LRRC8D: variants seen among roughly 807,000 people sequenced by gnomAD.
The protein encoded by LRRC8D is leucine rich repeat containing 8 VRAC subunit D.
A neutral mutation model predicts 55.8 loss-of-function variants in LRRC8D; 20 were observed. The observed-to-expected ratio is 0.36, with a 90% confidence interval of 0.25 to 0.52. The LOEUF (loss-of-function observed/expected upper bound fraction) is 0.52. Ranked by LOEUF, LRRC8D falls within the 20% of genes least tolerant of loss-of-function variation. The probability of loss-of-function intolerance (pLI) is 0.93; values close to 1 mark genes in which losing one functional copy is unlikely to be tolerated. For missense variants in LRRC8D, 651 were observed against 1,030.8 expected, an observed-to-expected ratio of 0.63 and a Z score of 5.05; for synonymous variants, 352 against 377.0, an observed-to-expected ratio of 0.93 and a Z score of 0.77.
rs1299807120 is a variant in LRRC8D at position 89,835,064 on chromosome 1, C to CTT, written c.-147-8572_-147-8571dup. On this transcript the variant is annotated intron_variant, in intron 1 of 2. Coordinates refer to ENST00000337338, the MANE Select transcript of LRRC8D (RefSeq NM_001134479.2). ...TCAGCAATTCTGGTGGTAGCATGGG[C>CTT]TTTCGCCAGCACTAGGCTGCATCTA... Among the ~76,000 whole-genome samples, 7 of 11,382 alleles carry CTT rather than the reference C, an allele frequency of 6.2e-4. No homozygotes were observed. In the Non-Finnish European group the frequency reaches 0.035, roughly 57 times the overall value. The allele number at this position is 11,382 out of a possible 152,430, so 7.5% of individuals were successfully genotyped here. A position where few individuals can be genotyped will look rare whatever the true frequency, so the allele number is the denominator to read the frequency against.
intron 2 of LRRC8D, among the ~76,000 whole-genome samples, chr1:89,900,552 G>A (rs1009649579): frequency 6.6e-6 from 1 of 151,024 alleles, no homozygotes; most frequent in African/African-American, 2.5e-5. Flanking sequence ...CTTAGTTCAG[G>A]CCAGATGTAG....
chr1:89,920,710 A>C (rs995010165), intron 2 of LRRC8D, among the ~76,000 whole-genome samples: 13 of 151,994 alleles, frequency 8.6e-5, no homozygotes, highest in African/African-American at 1.7e-4. Flanking sequence ...AAAAAAAAAA[A>C]AAAAAACTAA....
At chr1:89,908,835 C>G (rs1464434522) in intron 2 of LRRC8D, among the ~76,000 whole-genome samples, 1 of 152,170 alleles carries the variant, frequency 6.6e-6, no homozygotes, top group Non-Finnish European at 1.5e-5. Context: ...TACTGTGACT[C>G]TCAGAGGAAA....
intron 2 of LRRC8D, among the ~76,000 whole-genome samples, chr1:89,872,515 C>T (rs1177462009): frequency 6.6e-6 from 1 of 152,208 alleles, no homozygotes; most frequent in Non-Finnish European, 1.5e-5. Context: ...TATTCTGTAC[C>T]AAACACATCT....
rs186064207 is a variant in LRRC8D, at chr1:89,835,427, G to A, written c.-147-8211G>A. On this transcript the variant is annotated intron_variant, in intron 1 of 2. Transcript: ENST00000337338. ...AAGTATTAAACAGTAATCTCTCAGA[G>A]CATTGTCATTTGGCTGAAGTTTTTC... is the stretch of plus-strand genomic sequence containing the variant. Among the ~76,000 whole-genome samples, 37 of 152,348 alleles carry A rather than the reference G, an allele frequency of 2.4e-4. No individual in the cohort carries two copies. The East Asian group carries it at 3.9e-3, about 16-fold the overall frequency.
At chr1:89,838,026 C>G (rs1661039709) in intron 1 of LRRC8D, among the ~76,000 whole-genome samples, 1 of 151,950 alleles carries the variant, frequency 6.6e-6, no homozygotes, top group African/African-American at 2.4e-5. Context: ...GGATCCAACC[C>G]TTTTACATTG....
At chr1:89,893,246 A>G (rs137967048) in intron 2 of LRRC8D, among the ~76,000 whole-genome samples, 1 of 152,340 alleles carries the variant, frequency 6.6e-6, no homozygotes, top group African/African-American at 2.4e-5. Flanking sequence ...GATCTGGGGA[A>G]TGAACAGTCC....
chr1:89,935,733 T>G lies in LRRC8D; in HGVS notation c.*88T>G, dbSNP rs1663837803. On this transcript the variant is annotated 3_prime_UTR_variant, in exon 3 of 3. Transcript: ENST00000337338. ...ACAAGTTATTACAAGATAATGCATTTTAGGAGTAGATACATCTTTTAAAAT... is the reference window on the plus strand; with the variant it reads ...ACAAGTTATTACAAGATAATGCATTGTAGGAGTAGATACATCTTTTAAAAT... 3.9e-5 allele frequency: 47 copies of G among 1,194,562 alleles called. No individual in the cohort carries two copies. The South Asian group carries it at 6.8e-4, about 17-fold the overall frequency. The allele number at this position is 1,194,562 out of a possible 1,614,324, so 74.0% of individuals were successfully genotyped here. A position where few individuals can be genotyped will look rare whatever the true frequency, so the allele number is the denominator to read the frequency against.
intron 2 of LRRC8D, among the ~76,000 whole-genome samples, chr1:89,855,654 A>G (rs539559010): frequency 5.3e-4 from 81 of 152,334 alleles, no homozygotes; most frequent in African/African-American, 1.9e-3. Flanking sequence ...AAGTCTGACT[A>G]TACAATTGCC....
chr1:89,934,012 A>G lies in LRRC8D; in HGVS notation c.944A>G (p.Lys315Arg), dbSNP rs1557491144. 1 of 1,614,224 alleles carries G rather than the reference A, an allele frequency of 6.2e-7. No homozygotes were observed. The highest frequency in any genetic ancestry group is 8.5e-7 in the Non-Finnish European group (1 of 1,180,052). The change falls in exon 3 of 3, where the codon AAA (lysine) becomes AGA (arginine). Residue 315 changes from lysine to arginine, a missense_variant. By Grantham distance (26) the Lys-to-Arg change is conservative. Coordinates refer to ENST00000337338, the MANE Select transcript of LRRC8D (RefSeq NM_001134479.2). This position sits in a 1 kb window ranked among gnomAD's most constrained non-coding sequence, Gnocchi z 5.9. ...CTCTATGTGGTCCAAACAGTTATCA[A>G]AACAGCCAAGTTCATTTTTATTCTC... The part of the protein sequence containing the change: ...YKLYVVQTVI[K>R]TAKFIFILCY...
chr1:89,934,243 T>A lies in LRRC8D; in HGVS notation c.1175T>A (p.Leu392Ter). The A allele has an allele frequency of 6.2e-7, 1 of 1,614,220 alleles. No individual in the cohort carries two copies. Among genetic ancestry groups the A allele is most frequent in the Non-Finnish European group, 8.5e-7 (1 of 1,180,034 alleles). Residue 392 changes from leucine to a stop codon, truncating the protein, a stop_gained, in exon 3 of 3, where the codon TTG becomes TAG. Coordinates refer to ENST00000337338, the MANE Select transcript of LRRC8D (RefSeq NM_001134479.2). LOFTEE classifies it high-confidence loss of function. This position sits in a 1 kb window ranked among gnomAD's most constrained non-coding sequence, Gnocchi z 5.9. The stretch of plus-strand genomic sequence containing the variant: ...CTCTTCTGGTTATTCAGGATACCTT[T>A]GAAGGAATATTCTTTCGAAAAAGTC... ...YTLFWLFRIP[L>*]KEYSFEKVRE... is the part of the protein sequence containing the mutation.
Position 89,934,765 on chromosome 1 carries a change from A to G in LRRC8D, c.1697A>G (p.Tyr566Cys), listed in dbSNP as rs148854534. The G allele has an allele frequency of 6.2e-7, 1 of 1,614,176 alleles. No individual in the cohort carries two copies. Among genetic ancestry groups the G allele is most frequent in the South Asian group, 1.1e-5 (1 of 91,088 alleles). ...TTGCTCAAAAACCTTCGAGAGTTGT[A>G]CTTAATAGGCAATTTGAACTCTGAA... ...VYLLKNLREL[Y>C]LIGNLNSENN... Residue 566 changes from tyrosine to cysteine, a missense_variant, in exon 3 of 3, where the codon TAC becomes TGC. Tyr to Cys is a radical substitution (Grantham distance 194). Around this residue, in one of 5 missense-constraint regions of LRRC8D, gnomAD observed 338 missense variants for 479.4 expected, o/e 0.71. Transcript: ENST00000337338. The surrounding 1 kb of genome is among the most constrained non-coding windows in gnomAD (Gnocchi z 5.9).
intron 2 of LRRC8D, among the ~76,000 whole-genome samples, chr1:89,863,014 G>A (rs569010125): frequency 2.6e-5 from 4 of 152,264 alleles, no homozygotes; most frequent in Non-Finnish European, 4.4e-5. Flanking sequence ...CTCATATAAA[G>A]AAAATATAGG....
chr1:89,849,078 C>A (rs114966712), intron 2 of LRRC8D, among the ~76,000 whole-genome samples: 112 of 152,276 alleles, frequency 7.4e-4, no homozygotes, highest in Non-Finnish European at 1.4e-3. Flanking sequence ...GGACTTGGAT[C>A]CAGGTTTGTG....
At chr1:89,872,289 GCTAT>G (rs1293593004) in intron 2 of LRRC8D, among the ~76,000 whole-genome samples, 1 of 152,244 alleles carries the variant, frequency 6.6e-6, no homozygotes, top group African/African-American at 2.4e-5. Context: ...ATAGCGTTCT[GCTAT>G]CTGTTTTCAG....
chr1:89,907,006 AT>A (rs1175761010), intron 2 of LRRC8D, among the ~76,000 whole-genome samples: 1 of 151,988 alleles, frequency 6.6e-6, no homozygotes, highest in African/African-American at 2.4e-5. Context: ...GCTCATCTTA[AT>A]TCAAGTGTTA....
intron 2 of LRRC8D, among the ~76,000 whole-genome samples, chr1:89,901,342 T>C (rs1662844483): frequency 1.3e-5 from 2 of 152,212 alleles, no homozygotes; most frequent in African/African-American, 4.8e-5. Flanking sequence ...CAGCTTTGCC[T>C]TGGGTAAATC....
chr1:89,925,752 C>A (rs907178468), intron 2 of LRRC8D, among the ~76,000 whole-genome samples: 1 of 152,134 alleles, frequency 6.6e-6, no homozygotes, highest in Non-Finnish European at 1.5e-5. Context: ...TGAAATACCC[C>A]CCTGGTAGGA....
chr1:89,832,662 T>C (rs1399000293), intron 1 of LRRC8D, among the ~76,000 whole-genome samples: 1 of 152,222 alleles, frequency 6.6e-6, no homozygotes, highest in African/African-American at 2.4e-5. Context: ...ATTCCACTGC[T>C]CGGCCTTCTA....
Sources: gnomAD v4.1 joint callset for allele counts (sites outside exome capture counted in the v4.1 genomes callset) on GRCh38, gnomAD v4.1.1 for gene constraint, gnomAD v4.1.1 regional missense constraint, Gnocchi (gnomAD v3.1) non-coding constraint, MANE v1.5 for transcripts, NCBI Gene and HGNC (gene_info 2026-07-23, HGNC 2026-07-21) for gene names.